The following RARB variants were observed in gnomAD, a reference collection of about 807,000 sequenced individuals.
RARB encodes retinoic acid receptor beta.
In RARB, 17 loss-of-function variants were observed where a neutral mutation model predicts 51.9. That is an observed-to-expected ratio of 0.33 (90% CI 0.22 to 0.49). The LOEUF is 0.49. Among genes scored for constraint, RARB ranks in the 20% least tolerant of loss-of-function variants. The pLI is 0.99. For synonymous variants in RARB, 215 were observed against 195.4 expected, an observed-to-expected ratio of 1.10 and a Z score of -0.84; for missense variants, 369 against 550.8, an observed-to-expected ratio of 0.67 and a Z score of 3.30.
At chr3:25,320,788 A>G (rs2125439089) in intron 5 of RARB, among the ~76,000 whole-genome samples, 1 of 152,236 alleles carries the variant, frequency 6.6e-6, no homozygotes, top group East Asian at 1.9e-4. Context: ...CAGAGATATG[A>G]TTTGGGTTCT....
Position 24,976,093 on chromosome 3 carries a change from A to T in RARB, c.-379-84032A>T, listed in dbSNP as rs548239776. Among the ~76,000 whole-genome samples the T allele has an allele frequency of 3.9e-5, 6 of 152,328 alleles. No homozygotes were observed. In the South Asian group the frequency reaches 1.2e-3, roughly 32 times the overall value. On this transcript the variant is annotated intron_variant, in intron 2 of 11. Transcript: ENST00000383772. ...CTTCATCCATGTCCCTGCAAAGGAC[A>T]TGAACTCATCCTTTTTTATGGCTGC...
At chr3:24,830,483 A>T (rs1267477805) in intron 1 of RARB, among the ~76,000 whole-genome samples, 1 of 137,846 alleles carries the variant, frequency 7.3e-6, no homozygotes, top group African/African-American at 2.8e-5. Flanking sequence ...CGGGTGCTGG[A>T]CCGCCCGCTG....
intron 5 of RARB, among the ~76,000 whole-genome samples, chr3:25,177,097 C>A (rs1700770071): frequency 6.6e-6 from 1 of 152,156 alleles, no homozygotes; most frequent in South Asian, 2.1e-4. Context: ...TTACTTCATA[C>A]CCTAATACCT....
At chr3:25,118,522 G>A (rs1699728469) in intron 3 of RARB, among the ~76,000 whole-genome samples, 1 of 152,120 alleles carries the variant, frequency 6.6e-6, no homozygotes, top group Non-Finnish European at 1.5e-5. Context: ...ATCCTCCATA[G>A]GTGCATCTTC....
At chr3:25,359,583 A>G (rs576974931) in intron 5 of RARB, among the ~76,000 whole-genome samples, 1 of 152,070 alleles carries the variant, frequency 6.6e-6, no homozygotes, top group Admixed American at 6.5e-5. Context: ...TTGATTTTAG[A>G]TCTTTCCTGC....
chr3:25,331,671 G>A (rs945996271), intron 5 of RARB, among the ~76,000 whole-genome samples: 12 of 152,098 alleles, frequency 7.9e-5, no homozygotes, highest in African/African-American at 2.7e-4. Context: ...AAATAACTAA[G>A]ATCAGAGCAG....
At chr3:25,360,725 CCTTCACTTATA>C (rs149226120) in intron 5 of RARB, among the ~76,000 whole-genome samples, 19,927 of 152,028 alleles carry the variant, frequency 0.13, 1,462 homozygotes, top group South Asian at 0.22. Flanking sequence ...CTTCACTTCT[CCTTCACTTATA>C]AAGCTTAGTT....
intron 5 of RARB, among the ~76,000 whole-genome samples, chr3:25,199,529 T>C (rs1041386024): frequency 2.0e-5 from 3 of 152,138 alleles, no homozygotes; most frequent in African/African-American, 7.2e-5. Context: ...TGTATACATG[T>C]GCCATGTTGG....
intron 2 of RARB, among the ~76,000 whole-genome samples, chr3:24,904,300 G>A (rs1031278918): frequency 2.0e-5 from 3 of 152,058 alleles, no homozygotes; most frequent in Admixed American, 6.6e-5. Context: ...AAATGTGCAA[G>A]GATATTATTA....
chr3:25,188,004 G>T (rs770292614), intron 5 of RARB, among the ~76,000 whole-genome samples: 6 of 151,958 alleles, frequency 3.9e-5, no homozygotes, highest in Non-Finnish European at 8.8e-5. Flanking sequence ...AAATGTCGAT[G>T]GAGAAATGAA....
intron 3 of RARB, among the ~76,000 whole-genome samples, chr3:25,557,647 C>T (rs1181944855): frequency 6.6e-6 from 1 of 152,152 alleles, no homozygotes; most frequent in Non-Finnish European, 1.5e-5. Context: ...TCCCTACAGT[C>T]CCTCCCTGGT....
At chr3:25,492,663 G>A (rs1431434266) in intron 2 of RARB, among the ~76,000 whole-genome samples, 5 of 149,938 alleles carry the variant, frequency 3.3e-5, no homozygotes, top group African/African-American at 4.8e-5. Flanking sequence ...TATTCTTCTC[G>A]AAAGATTAGC....
chr3:25,477,703 A>G (rs957290860), intron 2 of RARB, among the ~76,000 whole-genome samples: 1 of 152,218 alleles, frequency 6.6e-6, no homozygotes, highest in African/African-American at 2.4e-5. Context: ...TAAATATTGT[A>G]TATGGTTAAA....
chr3:24,942,173 A>T (rs949978617), intron 2 of RARB, among the ~76,000 whole-genome samples: 2 of 152,236 alleles, frequency 1.3e-5, no homozygotes, highest in African/African-American at 4.8e-5. Context: ...ACCAGGTTTC[A>T]TGGTTCCTGG....
At chr3:25,215,105 A>C (rs1385676793) in intron 5 of RARB, among the ~76,000 whole-genome samples, 1 of 152,146 alleles carries the variant, frequency 6.6e-6, no homozygotes, top group Non-Finnish European at 1.5e-5. Context: ...AGTTGTTCTT[A>C]ATCCCAACTG....
At chr3:25,234,185 G>T (rs1702250308) in intron 5 of RARB, among the ~76,000 whole-genome samples, 1 of 152,046 alleles carries the variant, frequency 6.6e-6, no homozygotes, top group African/African-American at 2.4e-5. Context: ...AAACAATCTA[G>T]GTTTGGAGTT....
intron 5 of RARB, among the ~76,000 whole-genome samples, chr3:25,371,389 G>A (rs148728549): frequency 6.6e-6 from 1 of 152,328 alleles, no homozygotes; most frequent in Non-Finnish European, 1.5e-5. Context: ...GCAAGAAATA[G>A]TATAATCAGA....
intron 3 of RARB, among the ~76,000 whole-genome samples, chr3:25,082,888 A>G (rs923559272): frequency 5.9e-5 from 9 of 152,088 alleles, no homozygotes; most frequent in Non-Finnish European, 1.2e-4. Context: ...TGTTACTCTG[A>G]AAACTTCTTA....
At chr3:24,869,763 T>C (rs1233080211) in intron 2 of RARB, among the ~76,000 whole-genome samples, 1 of 152,132 alleles carries the variant, frequency 6.6e-6, no homozygotes, top group African/African-American at 2.4e-5. Flanking sequence ...ATTGTATTTC[T>C]GTTTATCCTC....
Sources: allele counts gnomAD v4.1 joint callset (sites outside exome capture counted in the v4.1 genomes callset), GRCh38; gene constraint gnomAD v4.1.1; transcripts MANE v1.5; gene names NCBI Gene and HGNC (gene_info 2026-07-23, HGNC 2026-07-21).